NECTIN3: variants seen among roughly 807,000 people sequenced by gnomAD.
NECTIN3 encodes the protein nectin-3.
In NECTIN3, 8 loss-of-function variants were observed where a neutral mutation model predicts 49.4. The observed-to-expected ratio is 0.16, with a 90% CI of 0.10 to 0.29. The LOEUF is 0.29. NECTIN3 is among the 10% of genes least tolerant of loss of function. NECTIN3 has a pLI of 1.00. For missense variants in NECTIN3, 581 were observed against 654.6 expected (o/e 0.89, Z 1.23); for synonymous variants, 277 against 241.1 (o/e 1.15, Z -1.38).
chr3:111,190,528 A>C (rs937974694), upstream of NECTIN3, among the ~76,000 whole-genome samples: 1 of 152,234 alleles, frequency 6.6e-6, no homozygotes, highest in African/African-American at 2.4e-5. Context: ...GGGAAGTCCA[A>C]GATGAAGGTA....
In NECTIN3 at chr3:111,133,711, A is replaced by G; in HGVS notation, c.1146A>G (p.Thr382=). The change falls in exon 6 of 6, where the codon ACA becomes ACG. Residue 382 remains threonine, a synonymous_variant. Coordinates refer to ENST00000485303, the MANE Select transcript of NECTIN3 (RefSeq NM_015480.3). ...CTGCTGACATCGAGGATCTAGCAAC[A>G]GAACCTAAAAAATTGCCCTTCCCAT... The part of the protein sequence containing the change: ...PSTADIEDLA[T]EPKKLPFPLS... The G allele has an allele frequency of 1.2e-6, 2 of 1,613,978 alleles. No homozygotes were observed. The highest frequency in any genetic ancestry group is 1.1e-5 in the South Asian group (1 of 91,084).
intron 4 of NECTIN3, among the ~76,000 whole-genome samples, chr3:111,122,793 T>C (rs2034009927): frequency 6.6e-6 from 1 of 152,120 alleles, no homozygotes; most frequent in African/African-American, 2.4e-5. Flanking sequence ...ATAATTTTCT[T>C]TCTCTGAAAT....
intron 7 of NECTIN3, among the ~76,000 whole-genome samples, chr3:111,155,216 C>T (rs768313749): frequency 6.6e-6 from 1 of 152,160 alleles, no homozygotes; most frequent in Non-Finnish European, 1.5e-5. Context: ...GGATTACAGG[C>T]GTGAGCCGCC....
intron 1 of NECTIN3, chr3:111,072,559 A>C (rs1156867274): frequency 1.3e-6 from 2 of 1,535,620 alleles, no homozygotes; most frequent in South Asian, 2.4e-5. Context: ...TTCCCGGTGA[A>C]ACTTGAGCTG....
At chr3:111,110,746 G>A (rs2033422626) in intron 1 of NECTIN3, among the ~76,000 whole-genome samples, 1 of 151,998 alleles carries the variant, frequency 6.6e-6, no homozygotes, top group South Asian at 2.1e-4. Flanking sequence ...TTAAAAAACT[G>A]AAACTTAAAT....
chr3:111,099,416 G>C (rs900640657), intron 1 of NECTIN3, among the ~76,000 whole-genome samples: 1 of 152,066 alleles, frequency 6.6e-6, no homozygotes, highest in South Asian at 2.1e-4. Context: ...AACAAATTAC[G>C]TGGTCACTGT....
At chr3:111,111,250 C>G (rs1460355136) in intron 1 of NECTIN3, among the ~76,000 whole-genome samples, 1 of 152,024 alleles carries the variant, frequency 6.6e-6, no homozygotes, top group East Asian at 1.9e-4. Flanking sequence ...AAGTTTTGCT[C>G]TATTGCTTTT....
At chr3:111,075,795 A>C (rs2031145388) in intron 1 of NECTIN3, among the ~76,000 whole-genome samples, 1 of 152,142 alleles carries the variant, frequency 6.6e-6, no homozygotes, top group Admixed American at 6.6e-5. Flanking sequence ...CTAGTTGACT[A>C]TTCCCTTAAT....
intron 7 of NECTIN3, among the ~76,000 whole-genome samples, chr3:111,174,645 C>T (rs1175732555): frequency 6.7e-6 from 1 of 150,122 alleles, no homozygotes; most frequent in African/African-American, 2.5e-5. Context: ...GGGAGGGTTC[C>T]TTGATCCCCC....
At chr3:111,127,115 A>G (rs1428790532) in intron 5 of NECTIN3, among the ~76,000 whole-genome samples, 5 of 152,212 alleles carry the variant, frequency 3.3e-5, no homozygotes, top group African/African-American at 9.6e-5. Context: ...TAACAAATGG[A>G]AAATTAAGAG....
At chr3:111,166,835 T>G (rs1397381186) in intron 7 of NECTIN3, among the ~76,000 whole-genome samples, 1 of 152,246 alleles carries the variant, frequency 6.6e-6, no homozygotes, top group Non-Finnish European at 1.5e-5. Flanking sequence ...ACTAAAACTA[T>G]ATACTATGTA....
At chr3:111,126,424 T>G (rs2034165499) in intron 5 of NECTIN3, 89 bp downstream of exon 5, 1 of 1,124,580 alleles carries the variant, frequency 8.9e-7, no homozygotes, top group Admixed American at 2.7e-5. Context: ...TAATTTGTAC[T>G]TGTAAAGATA....
chr3:111,177,843 A>G (rs2035558865), intron 7 of NECTIN3, among the ~76,000 whole-genome samples: 1 of 152,228 alleles, frequency 6.6e-6, no homozygotes, highest in Non-Finnish European at 1.5e-5. Flanking sequence ...GTTAGGATTT[A>G]TGATTAAGAG....
intron 7 of NECTIN3, among the ~76,000 whole-genome samples, chr3:111,181,883 TCTTTTTTTCTACTTC>T (rs879593426): frequency 1.3e-5 from 2 of 152,060 alleles, no homozygotes; most frequent in Non-Finnish European, 2.9e-5. Context: ...GATTTTTCAC[TCTTTTTTTCTACTTC>T]CTTTGGATTT....
intron 4 of NECTIN3, among the ~76,000 whole-genome samples, chr3:111,122,935 C>T (rs987193752): frequency 6.6e-5 from 10 of 151,808 alleles, no homozygotes; most frequent in Non-Finnish European, 1.2e-4. Flanking sequence ...TATTCCTGTT[C>T]ACTCTTTTTG....
intron 2 of NECTIN3, among the ~76,000 whole-genome samples, chr3:111,114,278 T>C (rs954950349): frequency 1.1e-4 from 17 of 152,162 alleles, no homozygotes; most frequent in Admixed American, 1.1e-3. Flanking sequence ...GGTGTTTCTC[T>C]TTCTGCCTGG....
At chr3:111,193,083 T>C (rs1191344014) in intron 1 of NECTIN3, 1 of 875,938 alleles carries the variant, frequency 1.1e-6, no homozygotes, top group African/African-American at 1.7e-5. Context: ...CAATAGTTTT[T>C]GGCATAATGA....
At chr3:111,149,120 G>A (rs553193397) in intron 7 of NECTIN3, among the ~76,000 whole-genome samples, 2 of 152,164 alleles carry the variant, frequency 1.3e-5, no homozygotes, top group South Asian at 4.2e-4. Context: ...CATGGTTTGA[G>A]AGCACTTTTA....
chr3:111,110,942 T>A (rs1263475020), intron 1 of NECTIN3, among the ~76,000 whole-genome samples: 1 of 152,134 alleles, frequency 6.6e-6, no homozygotes, highest in Non-Finnish European at 1.5e-5. Flanking sequence ...TGTTTGAACA[T>A]GTTTAAATGC....
Sources: gnomAD v4.1 joint callset for allele counts (sites outside exome capture counted in the v4.1 genomes callset) on GRCh38, gnomAD v4.1.1 for gene constraint, MANE v1.5 for transcripts, NCBI Gene and HGNC (gene_info 2026-07-23, HGNC 2026-07-21) for gene names.